Variants in TRPC4 observed in about 807,000 individuals in gnomAD.
TRPC4 encodes the protein short transient receptor potential channel 4.
In TRPC4, 49 loss-of-function variants were observed where a neutral mutation model predicts 99.4. The ratio of observed to expected loss-of-function variants is 0.49; its 90% CI spans 0.39 to 0.63. The LOEUF is 0.63. Among genes scored for constraint, TRPC4 ranks in the 20% least tolerant of loss-of-function variants. TRPC4 has a pLI of 0.00. For synonymous variants in TRPC4, 454 were observed against 425.9 expected, an observed-to-expected ratio of 1.07 and a Z score of -0.81; for missense variants, 898 against 1,152.9, an observed-to-expected ratio of 0.78 and a Z score of 3.20.
At chr13:37,828,077 A>G (rs1958301050) in intron 1 of TRPC4, among the ~76,000 whole-genome samples, 1 of 151,956 alleles carries the variant, frequency 6.6e-6, no homozygotes, top group East Asian at 1.9e-4. Flanking sequence ...AGGAAAGGGA[A>G]CTCCCTGACC....
intron 1 of TRPC4, among the ~76,000 whole-genome samples, chr13:37,795,771 C>T (rs1044492670): frequency 5.3e-5 from 8 of 152,096 alleles, no homozygotes; most frequent in Non-Finnish European, 1.2e-4. Flanking sequence ...TTCATTTAAT[C>T]CTCTTCTAAT....
chr13:37,669,102 C>G (rs1467431183), intron 5 of TRPC4, among the ~76,000 whole-genome samples: 5 of 152,022 alleles, frequency 3.3e-5, no homozygotes, highest in African/African-American at 4.8e-5. Context: ...GCAGTTAGAA[C>G]TATTTAGAAG....
At chr13:37,742,029 A>ACTGGGTTC (rs1249585480) in intron 3 of TRPC4, among the ~76,000 whole-genome samples, 1 of 152,128 alleles carries the variant, frequency 6.6e-6, no homozygotes, top group Non-Finnish European at 1.5e-5. Context: ...CCAGTTGCTA[A>ACTGGGTTC]AATACATTCA....
intron 3 of TRPC4, among the ~76,000 whole-genome samples, chr13:37,717,488 A>G (rs1050957849): frequency 1.3e-5 from 2 of 152,126 alleles, no homozygotes; most frequent in African/African-American, 2.4e-5. Context: ...ACATTTCTTT[A>G]TGAGCTGTTA....
intron 1 of TRPC4, among the ~76,000 whole-genome samples, chr13:37,785,763 T>C (rs2139363116): frequency 6.6e-6 from 1 of 152,198 alleles, no homozygotes; most frequent in South Asian, 2.1e-4. Context: ...AGAACAGCAT[T>C]TTATTTCTCA....
chr13:37,685,416 C>G (rs1953433368), intron 4 of TRPC4, among the ~76,000 whole-genome samples: 1 of 152,068 alleles, frequency 6.6e-6, no homozygotes, highest in Non-Finnish European at 1.5e-5. Context: ...AGCCTGTTTC[C>G]TCTCTGTGAA....
intron 1 of TRPC4, among the ~76,000 whole-genome samples, chr13:37,818,332 A>C (rs941296628): frequency 1.3e-5 from 2 of 152,112 alleles, no homozygotes; most frequent in African/African-American, 4.8e-5. Flanking sequence ...GAGAAATAGG[A>C]ATGCTTTTAC....
chr13:37,824,493 A>G (rs1391210571), intron 1 of TRPC4, among the ~76,000 whole-genome samples: 2 of 152,022 alleles, frequency 1.3e-5, no homozygotes, highest in African/African-American at 4.8e-5. Context: ...GGGTTGTTGA[A>G]TTTTGTCAAA....
intron 5 of TRPC4, among the ~76,000 whole-genome samples, chr13:37,668,346 A>T (rs937800110): frequency 1.8e-4 from 27 of 152,182 alleles, no homozygotes; most frequent in Admixed American, 2.6e-4. Flanking sequence ...ATTCTTATGC[A>T]GGGAGCTTTG....
intron 1 of TRPC4, among the ~76,000 whole-genome samples, chr13:37,812,042 T>G (rs1169398020): frequency 6.6e-6 from 1 of 151,116 alleles, no homozygotes; most frequent in Non-Finnish European, 1.5e-5. Context: ...GCTTGGGAGT[T>G]GTAGTTGGGA....
chr13:37,784,173 G>A (rs1401277323), intron 1 of TRPC4, among the ~76,000 whole-genome samples: 2 of 152,066 alleles, frequency 1.3e-5, no homozygotes, highest in Admixed American at 6.6e-5. Context: ...ATCAAGATGA[G>A]TCTAAGCAAT....
chr13:37,836,646 A>T (rs1191244670), intron 1 of TRPC4, among the ~76,000 whole-genome samples: 1 of 152,188 alleles, frequency 6.6e-6, no homozygotes, highest in Non-Finnish European at 1.5e-5. Context: ...TAAGCAGCAA[A>T]GCACTGGGTG....
rs370006177 is a variant in TRPC4, at chr13:37,836,219, C to T, written c.-28+33376G>A. 2.0e-5 allele frequency among the ~76,000 whole-genome samples: 3 copies of T among 152,148 alleles called. No homozygotes were observed. The East Asian group carries it at 5.8e-4, about 29-fold the overall frequency. ...TAAACCTCTTTCTTTTGTAAATTGC[C>T]CAGTCTCGGGTATATTTTTATCAGC... On this transcript the variant is annotated intron_variant, in intron 1 of 10. Coordinates refer to ENST00000379705, the MANE Select transcript of TRPC4 (RefSeq NM_016179.4).
At chr13:37,644,835 T>G (rs1028851468) in intron 8 of TRPC4, among the ~76,000 whole-genome samples, 2 of 124,780 alleles carry the variant, frequency 1.6e-5, no homozygotes, top group Non-Finnish European at 3.1e-5. Flanking sequence ...ATCGCGCCAC[T>G]GCACTCCAGC....
chr13:37,753,575 A>AAGAGAGAAAGAGAGAGAG (rs1956003372), intron 2 of TRPC4, among the ~76,000 whole-genome samples: 1 of 137,250 alleles, frequency 7.3e-6, no homozygotes. Flanking sequence ...GAGAGAGAGA[A>AAGAGAGAAAGAGAGAGAG]AGAGAGAGAG....
At chr13:37,776,276 G>A (rs1956700323) in intron 2 of TRPC4, among the ~76,000 whole-genome samples, 4 of 151,726 alleles carry the variant, frequency 2.6e-5, no homozygotes, top group Admixed American at 2.6e-4. Flanking sequence ...ATCCTTTTCA[G>A]CTTTTTAATC....
intron 2 of TRPC4, among the ~76,000 whole-genome samples, chr13:37,781,746 A>G (rs532817829): frequency 6.6e-5 from 10 of 152,192 alleles, no homozygotes; most frequent in Admixed American, 2.0e-4. Context: ...GTGCTGTTTT[A>G]TCAAAGTCTT....
rs1359635346 is a variant in TRPC4, at chr13:37,658,425, A to C, written c.1689-3142T>G. 2.6e-5 allele frequency among the ~76,000 whole-genome samples: 4 copies of C among 152,204 alleles called. No individual in the cohort carries two copies. The East Asian group carries it at 7.7e-4, about 29-fold the overall frequency. On this transcript the variant is annotated intron_variant, in intron 6 of 10. Coordinates refer to ENST00000379705, the MANE Select transcript of TRPC4 (RefSeq NM_016179.4). ...GCCAGAAGAATTGAACGTGTAAAAA[A>C]GTAATGTATTCCATTGTTGAAATTT...
chr13:37,728,272 T>C (rs1355941957), intron 3 of TRPC4, among the ~76,000 whole-genome samples: 2 of 151,932 alleles, frequency 1.3e-5, no homozygotes, highest in Non-Finnish European at 2.9e-5. Flanking sequence ...GTTGTAGTCT[T>C]ATATGCAGAA....
Sources: allele counts gnomAD v4.1 joint callset (sites outside exome capture counted in the v4.1 genomes callset), GRCh38; gene constraint gnomAD v4.1.1; transcripts MANE v1.5; gene names NCBI Gene and HGNC (gene_info 2026-07-23, HGNC 2026-07-21).